KCNIP1: variants seen among roughly 807,000 people sequenced by gnomAD.
KCNIP1 encodes the protein A-type potassium channel modulatory protein KCNIP1.
A neutral mutation model predicts 33.0 loss-of-function variants in KCNIP1; 18 were observed. That is an observed-to-expected ratio of 0.55 (90% confidence interval 0.38 to 0.81). KCNIP1 has a LOEUF of 0.81. Ranked by LOEUF, KCNIP1 falls within the 30% of genes least tolerant of loss-of-function variation. The pLI is 0.00. For missense variants in KCNIP1, 238 were observed against 271.6 expected (o/e 0.88, Z 0.87); for synonymous variants, 93 against 98.3 (o/e 0.95, Z 0.32).
chr5:170,417,332 C>G (rs1311537292), intron 1 of KCNIP1, among the ~76,000 whole-genome samples: 1 of 152,160 alleles, frequency 6.6e-6, no homozygotes, highest in East Asian at 1.9e-4. Flanking sequence ...TGAACATGTA[C>G]TACATTTATA....
intron 1 of KCNIP1, among the ~76,000 whole-genome samples, chr5:170,447,123 A>G (rs1424990209): frequency 3.5e-5 from 5 of 144,016 alleles, no homozygotes; most frequent in African/African-American, 1.3e-4. Context: ...ATTCAAAAAC[A>G]TCCCAGTAGG....
intron 1 of KCNIP1, among the ~76,000 whole-genome samples, chr5:170,477,045 T>G (rs955777425): frequency 6.6e-6 from 1 of 152,172 alleles, no homozygotes; most frequent in Non-Finnish European, 1.5e-5. Flanking sequence ...AGGGAAGCTG[T>G]AAGTGTATGG....
chr5:170,549,507 C>A (rs1466603466), intron 1 of KCNIP1, among the ~76,000 whole-genome samples: 1 of 152,184 alleles, frequency 6.6e-6, no homozygotes, highest in East Asian at 1.9e-4. Flanking sequence ...ATAAAATTAT[C>A]ATCTGTCTCT....
chr5:170,566,682 A>G (rs1209206799), intron 1 of KCNIP1, among the ~76,000 whole-genome samples: 1 of 152,232 alleles, frequency 6.6e-6, no homozygotes, highest in Non-Finnish European at 1.5e-5. Context: ...TGAGGAAGGC[A>G]TGGATCAAAG....
chr5:170,606,574 G>A (rs559746793), intron 1 of KCNIP1, among the ~76,000 whole-genome samples: 92 of 152,308 alleles, frequency 6.0e-4, no homozygotes, highest in African/African-American at 2.2e-3. Context: ...CCCTGACCCA[G>A]AAGGTGGCCA....
At chr5:170,593,477 C>T (rs1758337236) in intron 1 of KCNIP1, among the ~76,000 whole-genome samples, 3 of 152,148 alleles carry the variant, frequency 2.0e-5, no homozygotes, top group South Asian at 4.1e-4. Context: ...CGAGTAACAC[C>T]GCCTTCCATC....
intron 1 of KCNIP1, among the ~76,000 whole-genome samples, chr5:170,590,186 T>A (rs1311270297): frequency 1.3e-5 from 2 of 152,130 alleles, no homozygotes; most frequent in Admixed American, 1.3e-4. Flanking sequence ...GAAGAGGTAG[T>A]TGGGAGTTTT....
At chr5:170,673,109 A>ACACT (rs1761986970) in intron 1 of KCNIP1, among the ~76,000 whole-genome samples, 1 of 152,254 alleles carries the variant, frequency 6.6e-6, no homozygotes, top group Non-Finnish European at 1.5e-5. Flanking sequence ...TACCATGAAA[A>ACACT]TGTGTTATTT....
intron 1 of KCNIP1, among the ~76,000 whole-genome samples, chr5:170,355,952 C>G (rs1482466542): frequency 1.3e-5 from 2 of 152,214 alleles, no homozygotes; most frequent in Non-Finnish European, 2.9e-5. Context: ...CAGAGAGGAC[C>G]AAGTGTTTAC....
At chr5:170,482,731 C>T (rs1192802354) in intron 1 of KCNIP1, among the ~76,000 whole-genome samples, 2 of 152,256 alleles carry the variant, frequency 1.3e-5, no homozygotes, top group South Asian at 4.1e-4. Flanking sequence ...CTGTGGGAGT[C>T]AAGTAACGTC....
At chr5:170,681,184 G>A in intron 1 of KCNIP1, 2 of 399,102 alleles carry the variant, frequency 5.0e-6, no homozygotes, top group Non-Finnish European at 8.8e-6. Flanking sequence ...GACGGTAAGC[G>A]AACCCTGGAG....
At chr5:170,515,192 G>T (rs1367253447) in intron 1 of KCNIP1, among the ~76,000 whole-genome samples, 1 of 152,172 alleles carries the variant, frequency 6.6e-6, no homozygotes, top group Non-Finnish European at 1.5e-5. Context: ...AGCGCCTTAT[G>T]ATTTGATATG....
chr5:170,434,217 G>A (rs1755808525), intron 1 of KCNIP1, among the ~76,000 whole-genome samples: 1 of 152,050 alleles, frequency 6.6e-6, no homozygotes, highest in Non-Finnish European at 1.5e-5. Flanking sequence ...AGTTTCTTAT[G>A]AAGATTAAGT....
At chr5:170,429,280 T>C (rs114586928) in intron 1 of KCNIP1, among the ~76,000 whole-genome samples, 238 of 152,196 alleles carry the variant, frequency 1.6e-3, no homozygotes, top group African/African-American at 5.5e-3. Flanking sequence ...AACCCCTCAC[T>C]GAGTCCCCAG....
chr5:170,394,765 G>A (rs183939544), intron 1 of KCNIP1, among the ~76,000 whole-genome samples: 6 of 152,198 alleles, frequency 3.9e-5, no homozygotes, highest in Non-Finnish European at 8.8e-5. Context: ...CTTCCTTTTG[G>A]AGTCCCCAGT....
intron 1 of KCNIP1, among the ~76,000 whole-genome samples, chr5:170,548,653 C>G (rs1033793671): frequency 3.9e-5 from 6 of 152,172 alleles, no homozygotes; most frequent in Non-Finnish European, 8.8e-5. Context: ...GACAGGTTTT[C>G]TGTGTTAGTT....
intron 1 of KCNIP1, among the ~76,000 whole-genome samples, chr5:170,459,463 T>C (rs1391949662): frequency 6.6e-6 from 1 of 152,142 alleles, no homozygotes; most frequent in South Asian, 2.1e-4. Context: ...CCTTGATAAA[T>C]TTAAGAAAAT....
At chr5:170,438,343 A>T (rs911517229) in intron 1 of KCNIP1, among the ~76,000 whole-genome samples, 7 of 152,194 alleles carry the variant, frequency 4.6e-5, no homozygotes, top group Non-Finnish European at 8.8e-5. Flanking sequence ...TCTGGGCTTG[A>T]AAATACCTCG....
intron 1 of KCNIP1, among the ~76,000 whole-genome samples, chr5:170,434,075 A>G (rs1755804664): frequency 1.3e-5 from 2 of 152,218 alleles, no homozygotes; most frequent in Admixed American, 1.3e-4. Flanking sequence ...AAAAGTGACC[A>G]AAGCTGAACC....
Sources: allele counts gnomAD v4.1 joint callset (sites outside exome capture counted in the v4.1 genomes callset), GRCh38; gene constraint gnomAD v4.1.1; transcripts MANE v1.5; gene names NCBI Gene and HGNC (gene_info 2026-07-23, HGNC 2026-07-21).